POLG: variants seen among roughly 807,000 people sequenced by gnomAD.
POLG encodes the protein DNA polymerase subunit gamma-1.
POLG carries 110 observed loss-of-function variants against 155.4 expected under a neutral mutation model. That is an observed-to-expected ratio of 0.71 (90% CI 0.61 to 0.83). POLG has a LOEUF of 0.83. POLG is among the 40% of genes least tolerant of loss of function. POLG has a pLI of 0.00. For missense variants in POLG, 1,685 were observed against 1,627.5 expected, an observed-to-expected ratio of 1.04 and a Z score of -0.61; for synonymous variants, 701 against 631.5, an observed-to-expected ratio of 1.11 and a Z score of -1.65.
At chr15:89,318,816 G>C in intron 20 of POLG, 67 bp from the exon 21 acceptor site, 2 of 1,555,064 alleles carry the variant, frequency 1.3e-6, no homozygotes, top group Non-Finnish European at 1.8e-6. Context: ...CAGGGTAGAA[G>C]CCCCAAGAGA....
intron 14 of POLG, among the ~76,000 whole-genome samples, chr15:89,322,283 C>G (rs962465539): frequency 6.6e-6 from 1 of 152,238 alleles, no homozygotes; most frequent in African/African-American, 2.4e-5. Flanking sequence ...GCTCCTTCCA[C>G]CAATGCCTCT....
At chr15:89,322,581 G>A (rs1275783282) in intron 14 of POLG, among the ~76,000 whole-genome samples, 161 bp downstream of exon 14, 1 of 152,166 alleles carries the variant, frequency 6.6e-6, no homozygotes, top group Non-Finnish European at 1.5e-5. Flanking sequence ...ACTGAAGCTA[G>A]AGGGGAGACC....
At chr15:89,322,616 C>T (rs1168674833) in intron 14 of POLG, 126 bp downstream of exon 14, 1 of 1,028,550 alleles carries the variant, frequency 9.7e-7, no homozygotes, top group Admixed American at 1.7e-5. Context: ...GGCACCAGGA[C>T]CAAAAGTAGC....
chr15:89,318,597 C>A lies in POLG; in HGVS notation c.3426G>T (p.Arg1142=), dbSNP rs1455104951. ...GGGCAGCGCGGTAGCGGTCCTCCTC[C>A]CGCACCAGGTAGCGAACCTCGTCAT... ...SIHDEVRYLV[R]EEDRYRAALA... Residue 1142 remains arginine, a synonymous_variant, in exon 21 of 23, where the codon CGG becomes CGT. Coordinates refer to ENST00000268124, the MANE Select transcript of POLG (RefSeq NM_002693.3). The A allele has an allele frequency of 6.2e-7, 1 of 1,614,144 alleles. No homozygotes were observed. Among genetic ancestry groups the A allele is most frequent in the Non-Finnish European group, 8.5e-7 (1 of 1,180,030 alleles).
intron 10 of POLG, among the ~76,000 whole-genome samples, chr15:89,324,976 C>CT (rs1342853054): frequency 6.6e-6 from 1 of 152,144 alleles, no homozygotes; most frequent in Admixed American, 6.5e-5. Context: ...AACATACTCC[C>CT]TCCCAGAGCT....
rs767713132 is a variant in POLG at position 89,325,247 on chromosome 15, TGAGAGA to T, written c.1949+197_1949+202del. Among the ~76,000 whole-genome samples the T allele has an allele frequency of 1.4e-4, 10 of 73,566 alleles. 2 individuals carry two copies. Among genetic ancestry groups the T allele is most frequent in the Non-Finnish European group, 2.5e-4 (10 of 40,744 alleles). The allele number at this position is 73,566 out of a possible 152,430, so 48.3% of individuals were successfully genotyped here. On this transcript the variant is annotated intron_variant, in intron 10 of 22. Transcript: ENST00000268124. ...GAGAGTGAGTGAGAGAGTGAGTGAGTGAGAGAGAGAGTGAGTGAGTGAGTGAGAGAG... is the reference window on the plus strand; with the variant it reads ...GAGAGTGAGTGAGAGAGTGAGTGAGTGAGAGTGAGTGAGTGAGTGAGAGAG...
chr15:89,319,935 C>T (rs1187467726), intron 18 of POLG, among the ~76,000 whole-genome samples: 1 of 152,162 alleles, frequency 6.6e-6, no homozygotes, highest in African/African-American at 2.4e-5. Context: ...GCTTCCCCAC[C>T]ACCTGCACCC....
rs1021719232 is a variant in POLG at position 89,333,680 on chromosome 15, C to T, written c.75G>A (p.Trp25Ter). 2 of 1,548,958 alleles carry T rather than the reference C, an allele frequency of 1.3e-6. No individual in the cohort carries two copies. The highest frequency in any genetic ancestry group is 8.7e-7 in the Non-Finnish European group (1 of 1,152,774). Residue 25 changes from tryptophan (W) to a stop codon, truncating the protein, a stop_gained, in exon 2 of 23, where the codon TGG becomes TGA. Transcript: ENST00000268124. LOFTEE classifies it high-confidence loss of function. ...CGGACGCGGGGACGGAGCTGGAGAC[C>T]CAGCGCCCCGGAGCTGGAACCGGCC... ...GPGPVPAPGRWVSSSVPASDP... is the reference protein window; with the variant it reads ...GPGPVPAPGR
At position 89,325,453 on chromosome 15, in the gene POLG, T is replaced by A. The variant is rs972392438; in HGVS notation, c.1946A>T (p.Tyr649Phe). ...TLESAGVVCP[Y>F]RAIESLYRKH... Reference sequence around the variant, plus strand: ...CTCCCCTGGGCCTAAGCCTTACCTGTAGGGGCAGACCACCCCAGCTGACTC... The same window carrying A: ...CTCCCCTGGGCCTAAGCCTTACCTGAAGGGGCAGACCACCCCAGCTGACTC... The change falls in exon 10 of 23, where the codon TAC (tyrosine) becomes TTC (phenylalanine). Residue 649 changes from tyrosine (Y) to phenylalanine (F), a missense_variant. Transcript: ENST00000268124. The A allele has an allele frequency of 1.3e-6, 2 of 1,597,956 alleles. No homozygotes were observed. The highest frequency in any genetic ancestry group is 2.7e-5 in the African/African-American group (2 of 74,820).
chr15:89,333,973 A>C (rs1359559811), intron 1 of POLG, 60 bp from the exon 2 acceptor site: 2 of 599,848 alleles, frequency 3.3e-6, no homozygotes, highest in African/African-American at 3.8e-5. Context: ...GTGTATCCAT[A>C]ATCATCATTC....
intron 10 of POLG, among the ~76,000 whole-genome samples, chr15:89,325,174 G>A (rs2055482037): frequency 3.0e-5 from 3 of 98,658 alleles, no homozygotes; most frequent in African/African-American, 1.3e-4. Context: ...GAGTGAGAGA[G>A]TGAGAGAGTG....
At chr15:89,328,586 C>T (rs766847468) in intron 5 of POLG, 51 bp from the exon 6 acceptor site, 5 of 1,606,398 alleles carry the variant, frequency 3.1e-6, no homozygotes, top group Non-Finnish European at 4.3e-6. Context: ...CCCATTACCA[C>T]CACCAGCTCT....
At chr15:89,316,947 C>G in intron 22 of POLG, 120 bp from the exon 23 acceptor site, 1 of 768,610 alleles carries the variant, frequency 1.3e-6, no homozygotes, top group Non-Finnish European at 2.4e-6. Flanking sequence ...AGAACAATTG[C>G]CACGAACGGT....
In POLG at chr15:89,316,825, C is replaced by T. The variant is rs1469896894; in HGVS notation, c.3646G>A (p.Glu1216Lys). Residue 1216 changes from glutamate (E) to lysine (K), a missense_variant and splice_region_variant, in exon 23 of 23, where the codon GAA becomes AAA. This residue lies in a region of POLG where 470 missense variants were observed against 439.9 expected (regional missense o/e 1.07). Transcript: ENST00000268124. Reference protein sequence around the residue: ...MERRYGIPQGEALDIYQIIEL... With the variant: ...MERRYGIPQGKALDIYQIIEL... ...ATTATCTGGTAAATATCCAGCGCTT[C>T]ACCTGAAAGATAGTGCAAATTGGTT... is the stretch of plus-strand genomic sequence containing the variant. The T allele has an allele frequency of 1.9e-6, 3 of 1,612,790 alleles. No individual in the cohort carries two copies. The highest frequency in any genetic ancestry group is 2.2e-5 in the South Asian group (2 of 91,064).
At chr15:89,331,748 C>A (rs567969090) in intron 2 of POLG, among the ~76,000 whole-genome samples, 3 of 152,100 alleles carry the variant, frequency 2.0e-5, no homozygotes, top group Non-Finnish European at 4.4e-5. Flanking sequence ...CAAAGTGGAC[C>A]GCTATTAGGG....
intron 22 of POLG, 112 bp from the exon 23 acceptor site, chr15:89,316,939 A>C: frequency 1.2e-6 from 1 of 803,724 alleles, no homozygotes; most frequent in Non-Finnish European, 2.2e-6. Flanking sequence ...AAAGGTTGAG[A>C]ACAATTGCCA....
rs187943166 is a variant in POLG at position 89,317,232 on chromosome 15, C to T, written c.3643+144G>A. The stretch of plus-strand genomic sequence containing the variant: ...TATCACATTCACTCTGGACACAGGG[C>T]ACCTTATAAACTGAAATTAGCCTAG... On this transcript the variant is annotated intron_variant, in intron 22 of 22. Transcript: ENST00000268124. 4.2e-5 allele frequency: 30 copies of T among 722,666 alleles called. No individual in the cohort carries two copies. In the East Asian group the frequency reaches 7.2e-4, roughly 17 times the overall value. 44.8% of individuals were successfully genotyped at this position (722,666 alleles called of 1,614,324 possible). A position where few individuals can be genotyped will look rare whatever the true frequency, so the allele number is the denominator to read the frequency against.
intron 14 of POLG, 145 bp from the exon 15 acceptor site, chr15:89,322,160 G>A (rs987173058): frequency 2.5e-6 from 2 of 805,278 alleles, no homozygotes; most frequent in African/African-American, 1.7e-5. Flanking sequence ...GTGAGCCCTG[G>A]CTCAGCCAAG....
Position 89,333,852 on chromosome 15 carries a change from T to A in POLG, c.-98A>T. Reference sequence around the variant, plus strand: ...GCTGGAAGACGTGGAGAGAGACACGTCCTGTCTCTGCTCTCCTGTCAGTGA... The same window carrying A: ...GCTGGAAGACGTGGAGAGAGACACGACCTGTCTCTGCTCTCCTGTCAGTGA... On this transcript the variant is annotated 5_prime_UTR_variant, in exon 2 of 23. Transcript: ENST00000268124. 9 of 1,371,972 alleles carry A rather than the reference T, an allele frequency of 6.6e-6. No individual in the cohort carries two copies. The highest frequency in any genetic ancestry group is 8.0e-6 in the Non-Finnish European group (8 of 999,610). The allele number at this position is 1,371,972 out of a possible 1,614,324, so 85.0% of individuals were successfully genotyped here.
Sources: gnomAD v4.1 joint callset for allele counts (sites outside exome capture counted in the v4.1 genomes callset) on GRCh38, gnomAD v4.1.1 for gene constraint, gnomAD v4.1.1 regional missense constraint, MANE v1.5 for transcripts, NCBI Gene and HGNC (gene_info 2026-07-23, HGNC 2026-07-21) for gene names.